SHC3: variants seen among roughly 807,000 people sequenced by gnomAD.
SHC3 encodes the protein SHC-transforming protein 3.
Under a neutral mutation model 60.4 loss-of-function variants are expected in SHC3, and 15 were observed. The observed-to-expected ratio is 0.25, with a 90% confidence interval of 0.17 to 0.38. The LOEUF (loss-of-function observed/expected upper bound fraction) is 0.38, where lower values mean the gene tolerates loss of function less well. SHC3 is among the 10% of genes least tolerant of loss of function. The probability of loss-of-function intolerance (pLI) is 1.00; values close to 1 mark genes in which losing one functional copy is unlikely to be tolerated. For synonymous variants in SHC3, 294 were observed against 325.9 expected (o/e 0.90, Z 1.05); for missense variants, 677 against 786.1 (o/e 0.86, Z 1.66).
chr9:89,092,760 GTA>G (rs1026560234), intron 2 of SHC3, among the ~76,000 whole-genome samples: 2 of 147,808 alleles, frequency 1.4e-5, no homozygotes, highest in East Asian at 2.0e-4. Flanking sequence ...GTGTGTGTGT[GTA>G]TGTGTGTGTG....
chr9:89,006,520 T>TA lies in SHC3; in HGVS notation c.*6926dup, dbSNP rs1825943235. On this transcript the variant is annotated 3_prime_UTR_variant, in exon 12 of 12. Coordinates refer to ENST00000375835, the MANE Select transcript of SHC3 (RefSeq NM_016848.6). ...GGCAATACGCCAAGACATAGACTGT[T>TA]ACAGTAATTCTTTTTGTTTCACAAA... 1 of 152,252 alleles carries TA rather than the reference T, an allele frequency of 6.6e-6. No individual in the cohort carries two copies. Among genetic ancestry groups the TA allele is most frequent in the Non-Finnish European group, 1.5e-5 (1 of 68,036 alleles). The allele number at this position is 152,252 out of a possible 1,614,324, so 9.4% of individuals were successfully genotyped here.
At chr9:89,027,477 C>G (rs577968907) in intron 11 of SHC3, among the ~76,000 whole-genome samples, 4 of 151,958 alleles carry the variant, frequency 2.6e-5, no homozygotes, top group Non-Finnish European at 5.9e-5. Flanking sequence ...CCACCTCACC[C>G]GGCTAATTTT....
intron 2 of SHC3, among the ~76,000 whole-genome samples, chr9:89,082,915 C>T (rs1038166960): frequency 2.0e-5 from 3 of 152,222 alleles, no homozygotes; most frequent in Admixed American, 6.5e-5. Context: ...AGATACCACA[C>T]CCAATTGTTA....
intron 10 of SHC3, among the ~76,000 whole-genome samples, chr9:89,038,834 G>A (rs4877041): frequency 0.4 from 60,878 of 152,112 alleles, 14,189 homozygotes; most frequent in East Asian, 0.97. Context: ...TTCCTCTTGT[G>A]TGACTTGCCC....
chr9:89,086,651 C>T (rs763397659), intron 2 of SHC3, among the ~76,000 whole-genome samples: 1 of 152,156 alleles, frequency 6.6e-6, no homozygotes, highest in Non-Finnish European at 1.5e-5. Flanking sequence ...TAATCTTCAG[C>T]CCTTCTCCCC....
At chr9:89,144,941 C>T (rs1365999934) in intron 1 of SHC3, among the ~76,000 whole-genome samples, 1 of 151,940 alleles carries the variant, frequency 6.6e-6, no homozygotes, top group African/African-American at 2.4e-5. Flanking sequence ...ACGGCAGCAT[C>T]CTAAAATACA....
intron 10 of SHC3, 37 bp downstream of exon 10, chr9:89,041,989 C>G: frequency 6.2e-7 from 1 of 1,612,342 alleles, no homozygotes; most frequent in East Asian, 2.2e-5. Context: ...AAAGCAACCT[C>G]AAAAGAAAAG....
chr9:89,143,446 A>T (rs1010394458), intron 1 of SHC3, among the ~76,000 whole-genome samples: 1 of 151,998 alleles, frequency 6.6e-6, no homozygotes, highest in Non-Finnish European at 1.5e-5. Flanking sequence ...ATGCCTAACC[A>T]TCTGGGAATC....
chr9:89,161,638 C>G (rs1034400208), intron 1 of SHC3, among the ~76,000 whole-genome samples: 1 of 151,950 alleles, frequency 6.6e-6, no homozygotes, highest in African/African-American at 2.4e-5. Flanking sequence ...CAATATCATA[C>G]TGAATGGGCA....
At chr9:89,115,365 A>G (rs528041096) in intron 1 of SHC3, among the ~76,000 whole-genome samples, 2 of 152,310 alleles carry the variant, frequency 1.3e-5, no homozygotes, top group South Asian at 2.1e-4. Context: ...AATGATGCAA[A>G]ATTATGTGAA....
intron 1 of SHC3, among the ~76,000 whole-genome samples, chr9:89,120,582 T>C (rs1198453645): frequency 1.3e-5 from 2 of 152,188 alleles, no homozygotes; most frequent in African/African-American, 4.8e-5. Flanking sequence ...TTCGAGCAAA[T>C]GTACTTTGAT....
chr9:89,154,216 T>TC (rs1211641780), intron 1 of SHC3, among the ~76,000 whole-genome samples: 1 of 152,108 alleles, frequency 6.6e-6, no homozygotes, highest in African/African-American at 2.4e-5. Context: ...TTTTTTTTTT[T>TC]AGCTCATCAG....
intron 1 of SHC3, among the ~76,000 whole-genome samples, chr9:89,140,483 G>T (rs181882588): frequency 6.6e-6 from 1 of 152,158 alleles, no homozygotes; most frequent in Admixed American, 6.5e-5. Flanking sequence ...GTGGCCAAGA[G>T]CATGTGTTTC....
chr9:89,173,647 T>C (rs1304468451), intron 1 of SHC3, among the ~76,000 whole-genome samples: 1 of 152,014 alleles, frequency 6.6e-6, no homozygotes, highest in Non-Finnish European at 1.5e-5. Flanking sequence ...CTGTGGGGTG[T>C]GTGTGTTGTG....
At chr9:89,091,282 C>T (rs1012943108) in intron 2 of SHC3, among the ~76,000 whole-genome samples, 1 of 152,080 alleles carries the variant, frequency 6.6e-6, no homozygotes, top group Non-Finnish European at 1.5e-5. Flanking sequence ...TATAACACAA[C>T]CAAAATCAGA....
intron 1 of SHC3, among the ~76,000 whole-genome samples, chr9:89,137,753 G>A (rs1057082741): frequency 5.9e-5 from 9 of 152,144 alleles, no homozygotes; most frequent in Admixed American, 1.3e-4. Context: ...AAGAAATAAT[G>A]AGAGTGTGTA....
At chr9:89,157,386 A>G (rs1826637886) in intron 1 of SHC3, among the ~76,000 whole-genome samples, 1 of 152,220 alleles carries the variant, frequency 6.6e-6, no homozygotes, top group East Asian at 1.9e-4. Context: ...GAAGCCTTAG[A>G]AGCTTCCAGA....
chr9:89,130,578 G>C (rs1368865581), intron 1 of SHC3, among the ~76,000 whole-genome samples: 1 of 152,192 alleles, frequency 6.6e-6, no homozygotes, highest in Non-Finnish European at 1.5e-5. Flanking sequence ...TCAGACCACA[G>C]TGCAATCAAA....
Position 89,119,257 on chromosome 9 carries a change from A to G in SHC3, c.475-6631T>C, listed in dbSNP as rs147686685. 7.9e-4 allele frequency among the ~76,000 whole-genome samples: 121 copies of G among 152,316 alleles called. 3 individuals are homozygous for G. The East Asian group carries it at 0.021, about 26-fold the overall frequency. On this transcript the variant is annotated intron_variant, in intron 1 of 11. Transcript: ENST00000375835. ...AGAAACAAAAATAGCCCAGCCAATAAAAAGAAGGGATACAAGTAGAATATG... is the reference window on the plus strand; with the variant it reads ...AGAAACAAAAATAGCCCAGCCAATAGAAAGAAGGGATACAAGTAGAATATG...
Sources: allele counts gnomAD v4.1 joint callset (sites outside exome capture counted in the v4.1 genomes callset), GRCh38; gene constraint gnomAD v4.1.1; transcripts MANE v1.5; gene names NCBI Gene and HGNC (gene_info 2026-07-23, HGNC 2026-07-21).